Variants in ATP6V0D2 observed in about 807,000 individuals in gnomAD.
The protein encoded by ATP6V0D2 is ATPase H+ transporting V0 subunit d2, also known as V-type proton ATPase subunit d 2.
A neutral mutation model predicts 40.0 loss-of-function variants in ATP6V0D2; 40 were observed. The ratio of observed to expected loss-of-function variants is 1.00; its 90% CI spans 0.78 to 1.30. The LOEUF (loss-of-function observed/expected upper bound fraction) is 1.30, where lower values mean the gene tolerates loss of function less well. Ranked by LOEUF, ATP6V0D2 falls within the 50% of genes most tolerant of loss-of-function variation. ATP6V0D2 has a pLI of 0.00. For missense variants in ATP6V0D2, 470 were observed against 423.1 expected (o/e 1.11, Z -0.97); for synonymous variants, 179 against 156.3 (o/e 1.15, Z -1.08).
chr8:86,123,040 G>C (rs10106391), intron 2 of ATP6V0D2, among the ~76,000 whole-genome samples: 94,837 of 152,008 alleles, frequency 0.62, 30,437 homozygotes, highest in Non-Finnish European at 0.71. Context: ...TGGTCACCAC[G>C]CTGTAAGGGG....
chr8:86,104,204 T>C (rs1818438234), intron 1 of ATP6V0D2, among the ~76,000 whole-genome samples: 1 of 152,138 alleles, frequency 6.6e-6, no homozygotes, highest in Non-Finnish European at 1.5e-5. Context: ...AGTTTTCATT[T>C]TTTAAAATTT....
chr8:86,123,166 T>C (rs554730901), intron 2 of ATP6V0D2, among the ~76,000 whole-genome samples: 10 of 152,302 alleles, frequency 6.6e-5, no homozygotes, highest in African/African-American at 2.2e-4. Flanking sequence ...ATCTAGCCAA[T>C]GGGAGAGTAC....
intron 2 of ATP6V0D2, among the ~76,000 whole-genome samples, chr8:86,117,811 A>T (rs973019735): frequency 6.6e-6 from 1 of 152,108 alleles, no homozygotes; most frequent in African/African-American, 2.4e-5. Context: ...TGAAACATGT[A>T]GATGGGAAGG....
intron 5 of ATP6V0D2, among the ~76,000 whole-genome samples, chr8:86,145,271 A>T (rs565490821): frequency 2.3e-5 from 2 of 86,628 alleles, no homozygotes; most frequent in African/African-American, 3.7e-5. Context: ...GAAAGAAAGA[A>T]AGAAAGAAAG....
intron 2 of ATP6V0D2, among the ~76,000 whole-genome samples, chr8:86,123,012 C>T (rs184283944): frequency 1.0e-3 from 159 of 152,270 alleles, no homozygotes; most frequent in Non-Finnish European, 2.0e-3. Flanking sequence ...GTGCTGCAGA[C>T]GATACCCCCT....
intron 6 of ATP6V0D2, 100 bp downstream of exon 6, chr8:86,150,388 TA>T: frequency 8.4e-7 from 1 of 1,190,694 alleles, no homozygotes; most frequent in Non-Finnish European, 1.2e-6. Context: ...TCAAAAGAAG[TA>T]ATAATATTTG....
rs768504965 is a variant in ATP6V0D2, at chr8:86,119,425, C to T, written c.302+5545C>T. 4.1e-4 allele frequency among the ~76,000 whole-genome samples: 63 copies of T among 152,056 alleles called. 1 individual carries two copies. The highest frequency in any genetic ancestry group is 3.1e-3 in the Admixed American group (48 of 15,266). On this transcript the variant is annotated intron_variant, in intron 2 of 7. Transcript: ENST00000285393. The stretch of plus-strand genomic sequence containing the variant: ...TGTGTTTTTAGTAGAGATGAGGTTT[C>T]GCCATGTTAGCCTGGCTGGTCTCAA...
intron 2 of ATP6V0D2, among the ~76,000 whole-genome samples, chr8:86,132,586 G>C (rs937901835): frequency 1.3e-5 from 2 of 152,000 alleles, no homozygotes; most frequent in Non-Finnish European, 2.9e-5. Context: ...ATGATATTTG[G>C]CTTTCTGTGC....
In ATP6V0D2 at chr8:86,152,919, C is replaced by T. The variant is rs751331505; in HGVS notation, c.995C>T (p.Ala332Val). ...EQEIRNIVWI[A>V]ECISQRHRTK... ...GAAATTAGAAATATTGTGTGGATAGCAGAATGTATTTCACAGAGGCATCGA... is the reference window on the plus strand; with the variant it reads ...GAAATTAGAAATATTGTGTGGATAGTAGAATGTATTTCACAGAGGCATCGA... Residue 332 changes from alanine to valine, a missense_variant, in exon 8 of 8, where the codon GCA becomes GTA. Coordinates refer to ENST00000285393, the MANE Select transcript of ATP6V0D2 (RefSeq NM_152565.1). 1.2e-6 allele frequency: 2 copies of T among 1,611,930 alleles called. No individual in the cohort carries two copies. Among genetic ancestry groups the T allele is most frequent in the Admixed American group, 3.4e-5 (2 of 59,642 alleles).
intron 2 of ATP6V0D2, among the ~76,000 whole-genome samples, chr8:86,124,416 A>C (rs1818712793): frequency 6.6e-6 from 1 of 152,234 alleles, no homozygotes; most frequent in Non-Finnish European, 1.5e-5. Context: ...TCATTAACCA[A>C]TGGAAGAGTT....
At chr8:86,105,653 C>T (rs1170934978) in intron 1 of ATP6V0D2, among the ~76,000 whole-genome samples, 2 of 125,014 alleles carry the variant, frequency 1.6e-5, no homozygotes, top group South Asian at 2.5e-4. Flanking sequence ...GATTCTCTGT[C>T]GCCTAGGCTG....
intron 2 of ATP6V0D2, among the ~76,000 whole-genome samples, chr8:86,124,107 T>C (rs1350520023): frequency 6.6e-6 from 1 of 152,168 alleles, no homozygotes; most frequent in Admixed American, 6.6e-5. Context: ...AGTTCTTCTG[T>C]GGTCTTATAG....
At chr8:86,151,952 T>A (rs1484213790) in intron 7 of ATP6V0D2, among the ~76,000 whole-genome samples, 1 of 152,094 alleles carries the variant, frequency 6.6e-6, no homozygotes, top group Non-Finnish European at 1.5e-5. Flanking sequence ...TACTTTAAGT[T>A]CTGAGATACA....
intron 2 of ATP6V0D2, among the ~76,000 whole-genome samples, chr8:86,122,457 A>G (rs1001366540): frequency 1.7e-4 from 26 of 152,234 alleles, no homozygotes; most frequent in African/African-American, 5.8e-4. Flanking sequence ...ACATTAGGGT[A>G]CTGAACACCT....
intron 1 of ATP6V0D2, among the ~76,000 whole-genome samples, chr8:86,110,793 A>G (rs978440473): frequency 1.6e-4 from 24 of 152,304 alleles, no homozygotes; most frequent in Admixed American, 1.1e-3. Context: ...TGTATTAATC[A>G]GTACATTAAA....
At chr8:86,103,300 T>TA (rs1818427996) in intron 1 of ATP6V0D2, among the ~76,000 whole-genome samples, 1 of 151,346 alleles carries the variant, frequency 6.6e-6, no homozygotes, top group African/African-American at 2.4e-5. Flanking sequence ...TATTTTTTTT[T>TA]TTTTTTTTTT....
chr8:86,147,573 C>T (rs1456735564), intron 5 of ATP6V0D2, among the ~76,000 whole-genome samples: 1 of 152,068 alleles, frequency 6.6e-6, no homozygotes, highest in Non-Finnish European at 1.5e-5. Flanking sequence ...AGTCCTTTTC[C>T]AATTCTAAAA....
intron 1 of ATP6V0D2, among the ~76,000 whole-genome samples, chr8:86,101,794 C>A (rs1242073852): frequency 6.6e-6 from 1 of 152,088 alleles, no homozygotes; most frequent in Non-Finnish European, 1.5e-5. Flanking sequence ...GATGAGAAAC[C>A]ACCTGAAGCC....
chr8:86,132,264 T>C (rs988897260), intron 2 of ATP6V0D2, among the ~76,000 whole-genome samples: 1 of 152,136 alleles, frequency 6.6e-6, no homozygotes, highest in African/African-American at 2.4e-5. Context: ...TTTTTTACAG[T>C]TATAGAATGT....
Sources: allele counts gnomAD v4.1 joint callset (sites outside exome capture counted in the v4.1 genomes callset), GRCh38; gene constraint gnomAD v4.1.1; transcripts MANE v1.5; gene names NCBI Gene and HGNC (gene_info 2026-07-23, HGNC 2026-07-21).